The following NOX4 variants were observed in gnomAD, a reference collection of about 807,000 sequenced individuals.
NOX4 encodes the protein kidney oxidase-1.
In NOX4, 69 loss-of-function variants were observed where a neutral mutation model predicts 87.6. The ratio of observed to expected loss-of-function variants is 0.79; its 90% CI spans 0.65 to 0.96. The LOEUF is 0.96. Ranked by LOEUF, NOX4 falls within the 40% of genes least tolerant of loss-of-function variation. The pLI, the probability that NOX4 is intolerant of heterozygous loss-of-function variation, is 0.00. For missense variants in NOX4, 680 were observed against 681.5 expected (o/e 1.00, Z 0.02); for synonymous variants, 275 against 238.2 (o/e 1.15, Z -1.42).
At position 89,377,231 on chromosome 11, in the gene NOX4, A is replaced by G. The variant is rs541739143; in HGVS notation, c.1075-3739T>C. ...ATTTCATACACATCTATGCTTTAAA[A>G]TTTATCACAAGCCTTTGCTATGATA... On this transcript the variant is annotated intron_variant, in intron 11 of 17. Transcript: ENST00000263317. Among the ~76,000 whole-genome samples the G allele has an allele frequency of 5.9e-5, 9 of 152,354 alleles. No homozygotes were observed. The South Asian group carries it at 1.7e-3, about 28-fold the overall frequency.
chr11:89,489,977 A>G lies in NOX4; in HGVS notation c.153+481T>C, dbSNP rs530889618. ...CTGGAATATCATCAGCCACTAACCCAAAGCAAGCACTGAGAACTGCCCAGA... is the reference window on the plus strand; with the variant it reads ...CTGGAATATCATCAGCCACTAACCCGAAGCAAGCACTGAGAACTGCCCAGA... On this transcript the variant is annotated intron_variant, in intron 2 of 17. Coordinates refer to ENST00000263317, the MANE Select transcript of NOX4 (RefSeq NM_016931.5). Among the ~76,000 whole-genome samples, 6 of 152,308 alleles carry G rather than the reference A, an allele frequency of 3.9e-5. No homozygotes were observed. The East Asian group carries it at 1.2e-3, about 29-fold the overall frequency.
At chr11:89,438,922 A>T (rs1285528863) in intron 6 of NOX4, among the ~76,000 whole-genome samples, 61 of 60,740 alleles carry the variant, frequency 1.0e-3, no homozygotes, top group Middle Eastern at 0.016. Context: ...AATATAAAAT[A>T]TATATAATAA....
At chr11:89,507,371 G>A in the NOX4 span, among the ~76,000 whole-genome samples, 44 of 151,162 alleles carry the variant, frequency 2.9e-4, no homozygotes, top group East Asian at 7.4e-3. Flanking sequence ...TCCATGTATA[G>A]ATATGCTATA....
the NOX4 span, among the ~76,000 whole-genome samples, chr11:89,565,974 G>T: frequency 1.3e-5 from 2 of 151,372 alleles, no homozygotes; most frequent in African/African-American, 2.4e-5. Flanking sequence ...CTGGATTTGT[G>T]CACTAATGAT....
chr11:89,341,107 T>G (rs527429721), intron 14 of NOX4, among the ~76,000 whole-genome samples: 1 of 151,008 alleles, frequency 6.6e-6, no homozygotes, highest in South Asian at 2.1e-4. Context: ...TAGTATTTCC[T>G]GGTCAGACAA....
intron 6 of NOX4, among the ~76,000 whole-genome samples, chr11:89,435,330 T>C (rs556966202): frequency 6.6e-6 from 1 of 152,182 alleles, no homozygotes; most frequent in South Asian, 2.1e-4. Flanking sequence ...CTGCATACAC[T>C]TTCCTATATA....
the NOX4 span, among the ~76,000 whole-genome samples, chr11:89,516,141 T>TAA: frequency 1.3e-5 from 2 of 151,204 alleles, no homozygotes; most frequent in African/African-American, 4.8e-5. Flanking sequence ...TCTTCATCCT[T>TAA]AAAAAAAAAT....
intron 8 of NOX4, among the ~76,000 whole-genome samples, chr11:89,419,335 T>C (rs1186354885): frequency 2.6e-5 from 4 of 152,124 alleles, no homozygotes; most frequent in Non-Finnish European, 5.9e-5. Context: ...CAAAGTTATC[T>C]AGGTATTTCA....
upstream of NOX4, among the ~76,000 whole-genome samples, chr11:89,491,727 TACACAC>T (rs66820323): frequency 0.085 from 11,896 of 140,178 alleles, 598 homozygotes; most frequent in Non-Finnish European, 0.11. Context: ...CGCCCCCTTG[TACACAC>T]ACACACACAC....
intron 2 of NOX4, among the ~76,000 whole-genome samples, chr11:89,456,198 TATA>T (rs1367270098): frequency 2.6e-5 from 4 of 152,170 alleles, no homozygotes; most frequent in South Asian, 4.1e-4. Flanking sequence ...ATACAATTAC[TATA>T]ATAATTAAAA....
the NOX4 span, among the ~76,000 whole-genome samples, chr11:89,587,223 A>G: frequency 6.6e-6 from 1 of 152,128 alleles, no homozygotes; most frequent in Non-Finnish European, 1.5e-5. Context: ...ATGCAGTAAC[A>G]TAGAAGGGAG....
At chr11:89,478,374 T>C (rs1286528464) in intron 2 of NOX4, among the ~76,000 whole-genome samples, 1 of 152,194 alleles carries the variant, frequency 6.6e-6, no homozygotes. Flanking sequence ...TTTTAATAAA[T>C]CATTTACAGG....
upstream of NOX4, among the ~76,000 whole-genome samples, chr11:89,493,267 C>T (rs1398402194): frequency 6.6e-6 from 1 of 152,076 alleles, no homozygotes; most frequent in Non-Finnish European, 1.5e-5. Flanking sequence ...CGCCTGTAGT[C>T]CCAGCTATTC....
chr11:89,515,116 T>G, the NOX4 span, among the ~76,000 whole-genome samples: 44 of 152,150 alleles, frequency 2.9e-4, 1 homozygote, highest in African/African-American at 1.0e-3. Flanking sequence ...TCATTTATCT[T>G]GGGTAAATAT....
Position 89,387,932 on chromosome 11 carries a change from C to T in NOX4, c.1074+12085G>A, listed in dbSNP as rs988447572. Among the ~76,000 whole-genome samples the T allele has an allele frequency of 2.6e-5, 4 of 152,258 alleles. No homozygotes were observed. In the East Asian group the frequency reaches 7.7e-4, roughly 29 times the overall value. ...TACTTGAAGAACAAAACGTTACATT[C>T]TACACAGGTTTTAAATCAATAAAGG... On this transcript the variant is annotated intron_variant, in intron 11 of 17. Transcript: ENST00000263317.
At chr11:89,554,022 G>C in the NOX4 span, among the ~76,000 whole-genome samples, 2 of 151,844 alleles carry the variant, frequency 1.3e-5, no homozygotes, top group Non-Finnish European at 2.9e-5. Context: ...ACAGCTTCCA[G>C]GTCCTTGAGA....
intron 12 of NOX4, among the ~76,000 whole-genome samples, chr11:89,366,721 C>G (rs575224353): frequency 6.9e-6 from 1 of 145,210 alleles, no homozygotes; most frequent in Non-Finnish European, 1.5e-5. Context: ...AAAAAAAGAA[C>G]ATTGTGAAAA....
At chr11:89,396,804 C>A (rs1345668357) in intron 11 of NOX4, among the ~76,000 whole-genome samples, 1 of 152,066 alleles carries the variant, frequency 6.6e-6, no homozygotes, top group East Asian at 1.9e-4. Context: ...TACAGGAGCA[C>A]CCAGATTCAT....
the NOX4 span, among the ~76,000 whole-genome samples, chr11:89,568,763 A>G: frequency 6.6e-6 from 1 of 152,128 alleles, no homozygotes; most frequent in Non-Finnish European, 1.5e-5. Context: ...GAGGCATCAC[A>G]CTCTACTACA....
Sources: allele counts gnomAD v4.1 joint callset (sites outside exome capture counted in the v4.1 genomes callset), GRCh38; gene constraint gnomAD v4.1.1; transcripts MANE v1.5; gene names NCBI Gene and HGNC (gene_info 2026-07-23, HGNC 2026-07-21).